The following BRSK2 variants were observed in gnomAD, a reference collection of about 807,000 sequenced individuals.
BRSK2 encodes the protein serine/threonine-protein kinase BRSK2.
Under a neutral mutation model 83.3 loss-of-function variants are expected in BRSK2, and 19 were observed. The observed-to-expected ratio is 0.23, with a 90% CI of 0.16 to 0.33. The LOEUF (loss-of-function observed/expected upper bound fraction) is 0.33, where lower values mean the gene tolerates loss of function less well. Among genes scored for constraint, BRSK2 ranks in the 10% least tolerant of loss-of-function variants. The pLI is 1.00. For missense variants in BRSK2, 798 were observed against 1,042.3 expected (o/e 0.77, Z 3.23); for synonymous variants, 519 against 435.4 (o/e 1.19, Z -2.39).
intron 1 of BRSK2, among the ~76,000 whole-genome samples, chr11:1,429,597 C>T (rs1475363063): frequency 3.1e-4 from 42 of 137,210 alleles, no homozygotes; most frequent in Middle Eastern, 3.8e-3. Flanking sequence ...GCGTCTTCTG[C>T]GGTCTGGTCA....
Position 1,456,344 on chromosome 11 carries a change from A to G in BRSK2, c.1669-4A>G, listed in dbSNP as rs372852725. 283 of 1,554,814 alleles carry G rather than the reference A, an allele frequency of 1.8e-4. 2 individuals are homozygous for G. The Middle Eastern group carries it at 2.6e-3, about 14-fold the overall frequency. ...GCCACGCTCACGCTGCTCTCTCTCC[A>G]CAGATTCCCAGTCTCAGCCACAGCG... is the stretch of plus-strand genomic sequence containing the variant. On this transcript the variant is annotated splice_polypyrimidine_tract_variant and splice_region_variant and intron_variant, in intron 16 of 19. Transcript: ENST00000528841.
intron 12 of BRSK2, chr11:1,447,914 T>G: frequency 6.5e-7 from 1 of 1,528,234 alleles, no homozygotes; most frequent in Non-Finnish European, 8.9e-7. Context: ...AGACACGCTG[T>G]CCTGCCTCAG....
chr11:1,440,934 GC>G lies in BRSK2; in HGVS notation c.413+10del, dbSNP rs748560284. On this transcript the variant is annotated splice_region_variant and intron_variant, in intron 4 of 19. Coordinates refer to ENST00000528841, the MANE Select transcript of BRSK2 (RefSeq NM_001256627.2). ...TGCCACAGCCACTCCATATGGTGAG[GC>G]CCCACCCCTGGTGCCCCCCACTCCC... 2.7e-6 allele frequency: 4 copies of G among 1,486,886 alleles called. No individual in the cohort carries two copies. Among genetic ancestry groups the G allele is most frequent in the South Asian group, 1.1e-5 (1 of 87,478 alleles). The allele number at this position is 1,486,886 out of a possible 1,614,324, so 92.1% of individuals were successfully genotyped here.
intron 2 of BRSK2, among the ~76,000 whole-genome samples, chr11:1,436,455 GGA>G (rs1850311655): frequency 1.3e-5 from 2 of 152,174 alleles, no homozygotes; most frequent in Admixed American, 6.5e-5. Flanking sequence ...CAGCTAGAAT[GGA>G]GAGGAGTTCC....
chr11:1,400,964 C>G (rs2134047659), intron 1 of BRSK2, among the ~76,000 whole-genome samples: 1 of 152,366 alleles, frequency 6.6e-6, no homozygotes, highest in African/African-American at 2.4e-5. Context: ...CCTGCTGGTG[C>G]ATGCCCAGCT....
chr11:1,454,798 G>A lies in BRSK2; in HGVS notation c.1668+190G>A, dbSNP rs954339450. On this transcript the variant is annotated intron_variant, in intron 16 of 19. Transcript: ENST00000528841. This position sits in a 1 kb window ranked among gnomAD's most constrained non-coding sequence, Gnocchi z 5.2. ...CTCCTGCCCACCCTCGTGAGGGAGGGGTCACTGCCCATCTGGGGTGCTTGG... is the reference window on the plus strand; with the variant it reads ...CTCCTGCCCACCCTCGTGAGGGAGGAGTCACTGCCCATCTGGGGTGCTTGG... Among the ~76,000 whole-genome samples the A allele has an allele frequency of 3.9e-5, 6 of 152,190 alleles. No individual in the cohort carries two copies. Among genetic ancestry groups the A allele is most frequent in the Admixed American group, 2.0e-4 (3 of 15,290 alleles).
At position 1,460,814 on chromosome 11, in the gene BRSK2, C is replaced by T. The variant is rs958226261; in HGVS notation, c.*91C>T. On this transcript the variant is annotated 3_prime_UTR_variant, in exon 20 of 20. Transcript: ENST00000528841. Reference sequence around the variant, plus strand: ...GCCCCGAGTGGACCCGCGGCCGCGCCGCCCGTCCGTCCAGACTGTTCTCAG... The same window carrying T: ...GCCCCGAGTGGACCCGCGGCCGCGCTGCCCGTCCGTCCAGACTGTTCTCAG... 5.4e-6 allele frequency: 8 copies of T among 1,485,458 alleles called. No homozygotes were observed. The highest frequency in any genetic ancestry group is 5.2e-5 in the Admixed American group (2 of 38,308). The allele number at this position is 1,485,458 out of a possible 1,614,324, so 92.0% of individuals were successfully genotyped here.
chr11:1,415,894 G>T (rs1438565428), intron 1 of BRSK2, among the ~76,000 whole-genome samples: 1 of 152,290 alleles, frequency 6.6e-6, no homozygotes, highest in African/African-American at 2.4e-5. Context: ...GTAAAGGCCG[G>T]AGCTCCCAGC....
At chr11:1,455,386 C>T (rs1159603021) in intron 16 of BRSK2, among the ~76,000 whole-genome samples, 1 of 150,906 alleles carries the variant, frequency 6.6e-6, no homozygotes, top group East Asian at 2.0e-4. Flanking sequence ...TGCCCGGGCG[C>T]CCTCCCTGGC....
At chr11:1,456,256 C>G in intron 16 of BRSK2, 92 bp from the exon 17 acceptor site, 2 of 1,323,728 alleles carry the variant, frequency 1.5e-6, no homozygotes, top group Non-Finnish European at 2.0e-6. Context: ...AATGTGTGCA[C>G]GGTGGGGCTG....
chr11:1,449,960 C>T, intron 13 of BRSK2, 124 bp downstream of exon 13: 2 of 659,240 alleles, frequency 3.0e-6, no homozygotes, highest in Non-Finnish European at 5.4e-6. Context: ...CCCCCCATGC[C>T]CACGCTCCTG....
chr11:1,429,040 T>C (rs1849598583), intron 1 of BRSK2, among the ~76,000 whole-genome samples: 1 of 144,966 alleles, frequency 6.9e-6, no homozygotes, highest in Non-Finnish European at 1.5e-5. Context: ...GTGTCCTGGG[T>C]GCATGCACAT....
In BRSK2 at chr11:1,438,450, G is replaced by A; in HGVS notation, c.272+59G>A. On this transcript the variant is annotated intron_variant, in intron 3 of 19. Transcript: ENST00000528841. The surrounding 1 kb of genome is among the most constrained non-coding windows in gnomAD (Gnocchi z 6.4). ...CGGAGGTGGCAGCTGTCGCTGCAGG[G>A]GTGGGTGTCTGGGGCTTGGGGAGCA... 1.3e-6 allele frequency: 2 copies of A among 1,522,636 alleles called. No individual in the cohort carries two copies. The highest frequency in any genetic ancestry group is 1.7e-5 in the Admixed American group (1 of 59,570). 94.3% of individuals were successfully genotyped at this position (1,522,636 alleles called of 1,614,324 possible).
At position 1,454,299 on chromosome 11, in the gene BRSK2, A is replaced by T; in HGVS notation, c.1545-186A>T. 4.7e-6 allele frequency: 3 copies of T among 640,192 alleles called. No individual in the cohort carries two copies. Among genetic ancestry groups the T allele is most frequent in the Non-Finnish European group, 8.1e-6 (3 of 369,780 alleles). The allele number at this position is 640,192 out of a possible 1,614,324, so 39.7% of individuals were successfully genotyped here. A position where few individuals can be genotyped will look rare whatever the true frequency, so the allele number is the denominator to read the frequency against. On this transcript the variant is annotated intron_variant, in intron 15 of 19. Coordinates refer to ENST00000528841, the MANE Select transcript of BRSK2 (RefSeq NM_001256627.2). This position sits in a 1 kb window ranked among gnomAD's most constrained non-coding sequence, Gnocchi z 5.2. ...TGGGGTTAGAGCCACGGTGATGGTC[A>T]GGGCATATGGGCTAGGGTTAGGGCG...
chr11:1,445,935 T>TCCCTCCCTGGGCCC (rs1193114829), intron 12 of BRSK2, 28 bp downstream of exon 12: 1 of 1,585,292 alleles, frequency 6.3e-7, no homozygotes, highest in East Asian at 2.3e-5. Context: ...CTGCTGGGCC[T>TCCCTCCCTGGGCCC]CCCTCCCTGG....
In BRSK2 at chr11:1,456,412, G is replaced by A. The variant is rs33996815; in HGVS notation, c.1733G>A (p.Gly578Glu). Residue 578 changes from glycine (G) to glutamate (E), a missense_variant, in exon 17 of 20, where the codon GGG becomes GAG. Gly to Glu is a moderately conservative substitution (Grantham distance 98). Around this residue, in one of 6 missense-constraint regions of BRSK2, gnomAD observed 455 missense variants for 455.2 expected, o/e 1.00. Coordinates refer to ENST00000528841, the MANE Select transcript of BRSK2 (RefSeq NM_001256627.2). ...TSFRAEYKAT[G>E]GPAVFQKPVK... ...TTCCGGGCCGAGTACAAGGCCACGG[G>A]GGGGCCAGCCGTGTTCCAGAAGCCG... The A allele has an allele frequency of 2.5e-6, 4 of 1,602,978 alleles. No individual in the cohort carries two copies. The highest frequency in any genetic ancestry group is 1.7e-5 in the Admixed American group (1 of 58,276).
At chr11:1,459,155 C>G (rs1433033751) in intron 18 of BRSK2, 37 bp from the exon 19 acceptor site, 3 of 1,608,798 alleles carry the variant, frequency 1.9e-6, no homozygotes, top group African/African-American at 1.3e-5. Flanking sequence ...CAGCCTTTCA[C>G]TCACTCCCTC....
intron 1 of BRSK2, among the ~76,000 whole-genome samples, chr11:1,399,740 G>C (rs1846351463): frequency 1.3e-5 from 2 of 152,172 alleles, no homozygotes. Flanking sequence ...GGGGGATTTG[G>C]GGTACAGGGA....
At chr11:1,434,088 A>G (rs936605228) in intron 1 of BRSK2, among the ~76,000 whole-genome samples, 14 of 152,288 alleles carry the variant, frequency 9.2e-5, no homozygotes, top group South Asian at 2.1e-4. Context: ...GGCTCTTGCA[A>G]ATTGGTAAGA....
Sources: allele counts gnomAD v4.1 joint callset (sites outside exome capture counted in the v4.1 genomes callset), GRCh38; gene constraint gnomAD v4.1.1; regional missense constraint gnomAD v4.1.1; non-coding constraint Gnocchi (gnomAD v3.1); transcripts MANE v1.5; gene names NCBI Gene and HGNC (gene_info 2026-07-23, HGNC 2026-07-21).